The following SNTB1 variants were observed in gnomAD, a reference collection of about 807,000 sequenced individuals.
The protein encoded by SNTB1 is syntrophin beta 1.
A neutral mutation model predicts 48.9 loss-of-function variants in SNTB1; 36 were observed. The observed-to-expected ratio is 0.74, with a 90% confidence interval of 0.56 to 0.97. The LOEUF is 0.97. Among genes scored for constraint, SNTB1 ranks in the 50% least tolerant of loss-of-function variants. The pLI is 0.00. For synonymous variants in SNTB1, 299 were observed against 294.6 expected, an observed-to-expected ratio of 1.01 and a Z score of -0.15; for missense variants, 786 against 703.4, an observed-to-expected ratio of 1.12 and a Z score of -1.33.
intron 1 of SNTB1, among the ~76,000 whole-genome samples, chr8:120,708,459 A>G (rs1485133981): frequency 1.3e-5 from 2 of 152,084 alleles, no homozygotes; most frequent in African/African-American, 2.4e-5. Context: ...TATTCCACGA[A>G]GCTAATATAA....
chr8:120,725,160 G>A (rs1234124953), intron 1 of SNTB1, among the ~76,000 whole-genome samples: 1 of 152,182 alleles, frequency 6.6e-6, no homozygotes, highest in African/African-American at 2.4e-5. Context: ...TAAGTGGAAA[G>A]AGGATGGGCG....
At chr8:120,624,851 C>T (rs558489956) in intron 3 of SNTB1, among the ~76,000 whole-genome samples, 1 of 152,312 alleles carries the variant, frequency 6.6e-6, no homozygotes, top group East Asian at 1.9e-4. Context: ...GATAGACATT[C>T]CTGTTCCAAA....
chr8:120,811,137 C>G lies in SNTB1; in HGVS notation c.571+136G>C, dbSNP rs577875465. The stretch of plus-strand genomic sequence containing the variant: ...CCACCCCCTGCGCCACCCTTCCCCC[C>G]CCCCCAACACACACACACCCGGCCC... On this transcript the variant is annotated intron_variant, in intron 1 of 6. Coordinates refer to ENST00000517992, the MANE Select transcript of SNTB1 (RefSeq NM_021021.4). 332 of 1,227,702 alleles carry G rather than the reference C, an allele frequency of 2.7e-4. 3 individuals are homozygous for G. The African/African-American group carries it at 4.0e-3, about 15-fold the overall frequency. The allele number at this position is 1,227,702 out of a possible 1,614,324, so 76.1% of individuals were successfully genotyped here.
intron 1 of SNTB1, among the ~76,000 whole-genome samples, chr8:120,737,339 T>G (rs926176782): frequency 3.9e-5 from 6 of 152,038 alleles, no homozygotes; most frequent in Non-Finnish European, 1.5e-5. Context: ...CTTTGTCGAC[T>G]ATGAAGCACC....
At position 120,611,746 on chromosome 8, in the gene SNTB1, C is replaced by G. The variant is rs374243575; in HGVS notation, c.996+20698G>C. 2.0e-3 allele frequency among the ~76,000 whole-genome samples: 305 copies of G among 148,960 alleles called. 1 individual carries two copies. Among genetic ancestry groups the G allele is most frequent in the African/African-American group, 6.8e-3 (273 of 39,988 alleles). ...CTGAGGCAGGAGAATCGCTTGAACCCAGGAGGCAGAGGTTGCAGTGAGCCA... is the reference window on the plus strand; with the variant it reads ...CTGAGGCAGGAGAATCGCTTGAACCGAGGAGGCAGAGGTTGCAGTGAGCCA... On this transcript the variant is annotated intron_variant, in intron 3 of 6. Coordinates refer to ENST00000517992, the MANE Select transcript of SNTB1 (RefSeq NM_021021.4).
In SNTB1 at chr8:120,787,015, C is replaced by T. The variant is rs116927344; in HGVS notation, c.571+24258G>A. On this transcript the variant is annotated intron_variant, in intron 1 of 6. Transcript: ENST00000517992. ...TTCATGAGACCTCTGCCATTCCAGC[C>T]CAACAGGAGACAGTGAACCTGCTCA... Among the ~76,000 whole-genome samples, 1,382 of 152,212 alleles carry T rather than the reference C, an allele frequency of 9.1e-3. 13 individuals carry two copies. The highest frequency in any genetic ancestry group is 0.015 in the Non-Finnish European group (1,037 of 68,004).
intron 1 of SNTB1, among the ~76,000 whole-genome samples, chr8:120,744,636 G>C (rs1169878001): frequency 6.6e-6 from 1 of 151,968 alleles, no homozygotes; most frequent in African/African-American, 2.4e-5. Flanking sequence ...TTATTTTTTA[G>C]TGTTGGTAGG....
intron 4 of SNTB1, among the ~76,000 whole-genome samples, chr8:120,551,831 A>G (rs1227011849): frequency 6.6e-6 from 1 of 151,876 alleles, no homozygotes; most frequent in East Asian, 1.9e-4. Flanking sequence ...CTCCATTCTT[A>G]CACCTACCCT....
At chr8:120,645,303 C>T (rs899570896) in intron 2 of SNTB1, among the ~76,000 whole-genome samples, 24 of 150,788 alleles carry the variant, frequency 1.6e-4, no homozygotes, top group African/African-American at 4.8e-5. Context: ...TTAGGTCTAA[C>T]GTTTAAGTCT....
intron 3 of SNTB1, among the ~76,000 whole-genome samples, chr8:120,603,084 CA>C: frequency 6.6e-6 from 1 of 150,982 alleles, no homozygotes; most frequent in Middle Eastern, 3.4e-3. Context: ...CCACCCCCCT[CA>C]AAAAAGTCTC....
chr8:120,616,135 C>T (rs1816709824), intron 3 of SNTB1, among the ~76,000 whole-genome samples: 1 of 152,126 alleles, frequency 6.6e-6, no homozygotes, highest in African/African-American at 2.4e-5. Context: ...CCTCACATCT[C>T]CAAGTCGGTA....
At chr8:120,572,331 G>A (rs1413684289) in intron 4 of SNTB1, among the ~76,000 whole-genome samples, 1 of 152,186 alleles carries the variant, frequency 6.6e-6, no homozygotes, top group African/African-American at 2.4e-5. Flanking sequence ...TCATTCAACA[G>A]ACATTCAAGG....
intron 3 of SNTB1, among the ~76,000 whole-genome samples, chr8:120,603,492 G>A (rs1231683472): frequency 6.6e-6 from 1 of 152,178 alleles, no homozygotes; most frequent in Non-Finnish European, 1.5e-5. Context: ...GCTTCTCAAA[G>A]TGTAATTCAG....
chr8:120,811,599 G>C lies in SNTB1; in HGVS notation c.245C>G (p.Ala82Gly), dbSNP rs377398729. 3 of 1,569,540 alleles carry C rather than the reference G, an allele frequency of 1.9e-6. No individual in the cohort carries two copies. In the Admixed American group the frequency reaches 5.7e-5, roughly 30 times the overall value. ...CCCGGCGGGCGAGTCCGGGGGCTGC[G>C]CGCCGCCCGCGCCCGGGTGCCCAGC... Reference protein sequence around the residue: ...AGAGHPGAGGAQPPDSPAGVR... With the variant: ...AGAGHPGAGGGQPPDSPAGVR... The change falls in exon 1 of 7, where the codon GCG (alanine) becomes GGG (glycine). Residue 82 changes from alanine (A) to glycine (G), a missense_variant. Transcript: ENST00000517992.
chr8:120,645,698 AAGCAAGT>A lies in SNTB1; in HGVS notation c.789-13054_789-13048del, dbSNP rs1463253944. Among the ~76,000 whole-genome samples the A allele has an allele frequency of 2.7e-3, 344 of 125,434 alleles. 2 individuals carry two copies. The highest frequency in any genetic ancestry group is 7.8e-3 in the Middle Eastern group (2 of 256). The allele number at this position is 125,434 out of a possible 152,430, so 82.3% of individuals were successfully genotyped here. The stretch of plus-strand genomic sequence containing the variant: ...TAAAGTAGTTTTTTCCAATTCTGTG[AAGCAAGT>A]CATTGGTAGCTTGATGGGGATGGCA... On this transcript the variant is annotated intron_variant, in intron 2 of 6. Transcript: ENST00000517992.
chr8:120,757,899 C>CTGA (rs767012579), intron 1 of SNTB1, among the ~76,000 whole-genome samples: 5 of 152,030 alleles, frequency 3.3e-5, no homozygotes, highest in Non-Finnish European at 7.4e-5. Flanking sequence ...ATGTTTTTCG[C>CTGA]TAAGTGGGAA....
intron 2 of SNTB1, among the ~76,000 whole-genome samples, chr8:120,650,040 C>G (rs554055278): frequency 6.6e-6 from 1 of 151,910 alleles, no homozygotes; most frequent in Non-Finnish European, 1.5e-5. Context: ...GCACGGTGCA[C>G]GCACCCACTG....
At chr8:120,744,199 T>G (rs917344864) in intron 1 of SNTB1, among the ~76,000 whole-genome samples, 1 of 151,684 alleles carries the variant, frequency 6.6e-6, no homozygotes. Flanking sequence ...CACTTCGATT[T>G]ATTTCCAGTT....
In SNTB1 at chr8:120,672,182, G is replaced by A. The variant is rs144947371; in HGVS notation, c.788+21510C>T. ...AATACAGGCTAAGCTAAGCTATGAC[G>A]TTCAGTAGGGTAGGTGTATTAAATG... On this transcript the variant is annotated intron_variant, in intron 2 of 6. Coordinates refer to ENST00000517992, the MANE Select transcript of SNTB1 (RefSeq NM_021021.4). 3.2e-3 allele frequency among the ~76,000 whole-genome samples: 493 copies of A among 152,296 alleles called. 5 individuals carry two copies. In the South Asian group the frequency reaches 0.034, roughly 11 times the overall value.
Sources: gnomAD v4.1 joint callset for allele counts (sites outside exome capture counted in the v4.1 genomes callset) on GRCh38, gnomAD v4.1.1 for gene constraint, MANE v1.5 for transcripts, NCBI Gene and HGNC (gene_info 2026-07-23, HGNC 2026-07-21) for gene names.